API5: variants seen among roughly 807,000 people sequenced by gnomAD.
The protein encoded by API5 is apoptosis inhibitor 5, also known as FIF.
Under a neutral mutation model 71.9 loss-of-function variants are expected in API5, and 6 were observed. That is an observed-to-expected ratio of 0.08 (90% CI 0.05 to 0.16). The LOEUF (loss-of-function observed/expected upper bound fraction) is 0.16, where lower values mean the gene tolerates loss of function less well. API5 is among the 10% of genes least tolerant of loss of function. The pLI, the probability that API5 is intolerant of heterozygous loss-of-function variation, is 1.00. For synonymous variants in API5, 189 were observed against 221.3 expected, an observed-to-expected ratio of 0.85 and a Z score of 1.30; for missense variants, 332 against 612.8, an observed-to-expected ratio of 0.54 and a Z score of 4.84.
chr11:43,337,580 C>CT (rs1565113272), intron 13 of API5, among the ~76,000 whole-genome samples: 1 of 152,088 alleles, frequency 6.6e-6, no homozygotes, highest in African/African-American at 2.4e-5. Context: ...CTCCTTGCCT[C>CT]TTATCTGAAA....
chr11:43,312,421 G>A (rs1394216104), intron 1 of API5, among the ~76,000 whole-genome samples: 2 of 152,126 alleles, frequency 1.3e-5, no homozygotes, highest in Admixed American at 6.5e-5. Context: ...TGCCTCCCTT[G>A]CCCAGCCTTT....
At chr11:43,342,344 C>G in intron 13 of API5, 84 bp from the exon 14 acceptor site, 1 of 1,156,616 alleles carries the variant, frequency 8.6e-7, no homozygotes, top group Non-Finnish European at 1.2e-6. Context: ...CTGCTGTATT[C>G]AGAGTTATGA....
rs989807900 is a variant in API5 at position 43,343,838 on chromosome 11, T to C, written c.*1328T>C. On this transcript the variant is annotated 3_prime_UTR_variant, in exon 14 of 14. Transcript: ENST00000531273. ...AAGTTTGCTATTCAAATCAACTGCC[T>C]GAATGACATTTCTAGTAGTCTGATG... 1.3e-5 allele frequency: 2 copies of C among 152,818 alleles called. No homozygotes were observed. Among genetic ancestry groups the C allele is most frequent in the African/African-American group, 4.8e-5 (2 of 41,586 alleles). 9.5% of individuals were successfully genotyped at this position (152,818 alleles called of 1,614,324 possible).
chr11:43,319,663 T>G (rs1241666028), intron 2 of API5, among the ~76,000 whole-genome samples: 1 of 152,286 alleles, frequency 6.6e-6, no homozygotes, highest in South Asian at 2.1e-4. Context: ...TCCTCCCACC[T>G]TGGCCTTCTG....
chr11:43,320,950 T>C (rs775882992), intron 3 of API5, 36 bp downstream of exon 3: 51 of 1,515,148 alleles, frequency 3.4e-5, no homozygotes, highest in Non-Finnish European at 4.6e-5. Context: ...TCTCTAAATA[T>C]ATATCTTCTT....
chr11:43,315,452 T>A (rs1354010525), intron 1 of API5, among the ~76,000 whole-genome samples: 1 of 152,174 alleles, frequency 6.6e-6, no homozygotes, highest in Non-Finnish European at 1.5e-5. Context: ...CAGTAAGCAT[T>A]TCTTTTTCAT....
chr11:43,325,434 C>T (rs1179983598), intron 6 of API5, among the ~76,000 whole-genome samples: 1 of 152,202 alleles, frequency 6.6e-6, no homozygotes, highest in Non-Finnish European at 1.5e-5. Flanking sequence ...CCCATTGCAG[C>T]AGATCAATTT....
intron 1 of API5, among the ~76,000 whole-genome samples, chr11:43,312,416 C>T (rs1854507577): frequency 6.6e-6 from 1 of 152,172 alleles, no homozygotes; most frequent in East Asian, 1.9e-4. Context: ...TTCCTTGCCT[C>T]CCTTGCCCAG....
At chr11:43,323,182 G>A (rs902474377) in intron 5 of API5, among the ~76,000 whole-genome samples, 3 of 151,318 alleles carry the variant, frequency 2.0e-5, no homozygotes, top group Non-Finnish European at 4.4e-5. Context: ...GGTACTACAT[G>A]TATATCTGTG....
intron 11 of API5, among the ~76,000 whole-genome samples, chr11:43,334,440 C>T (rs1855361564): frequency 6.6e-6 from 1 of 152,064 alleles, no homozygotes; most frequent in African/African-American, 2.4e-5. Flanking sequence ...TTGCATTGGC[C>T]AATTCCCTAC....
At position 43,323,565 on chromosome 11, in the gene API5, T is replaced by G. The variant is rs773834543; in HGVS notation, c.679T>G (p.Phe227Val). ...VAEQADLEQT[F>V]NPSDPDCVDR... ...TGAACAGGCCGACCTAGAACAGACC[T>G]TCAATCCCTCGGATCCTGACTGTGT... The change falls in exon 6 of 14, where the codon TTC becomes GTC. Residue 227 changes from phenylalanine (F) to valine (V), a missense_variant. By Grantham distance (50) the Phe-to-Val change is conservative. Transcript: ENST00000531273. The G allele has an allele frequency of 4.3e-6, 7 of 1,613,996 alleles. No individual in the cohort carries two copies. The Admixed American group carries it at 1.0e-4, about 23-fold the overall frequency.
chr11:43,339,271 C>T (rs1029846300), intron 13 of API5: 1 of 152,110 alleles, frequency 6.6e-6, no homozygotes, highest in South Asian at 2.1e-4. Context: ...ATCAAGACAT[C>T]ACCCTAGTAA....
chr11:43,322,070 T>G lies in API5; in HGVS notation c.477T>G (p.Leu159=), dbSNP rs1854910836. 3.1e-6 allele frequency: 5 copies of G among 1,613,708 alleles called. No homozygotes were observed. Among genetic ancestry groups the G allele is most frequent in the Non-Finnish European group, 4.2e-6 (5 of 1,179,864 alleles). ...ERAIKFLSTK[L]KTLPDEVLTK... is the part of the protein sequence containing the mutation. Reference sequence around the variant, plus strand: ...CAATTAAATTCCTTTCTACAAAACTTAAGACTTTACCAGATGAAGTCTTAA... The same window carrying G: ...CAATTAAATTCCTTTCTACAAAACTGAAGACTTTACCAGATGAAGTCTTAA... Residue 159 remains leucine (L), a synonymous_variant, in exon 5 of 14, where the codon CTT becomes CTG. Transcript: ENST00000531273.
In API5 at chr11:43,328,753, G is replaced by C. The variant is rs895499410; in HGVS notation, c.987G>C (p.Glu329Asp). 29 of 1,613,816 alleles carry C rather than the reference G, an allele frequency of 1.8e-5. No individual in the cohort carries two copies. Among genetic ancestry groups the C allele is most frequent in the Middle Eastern group, 1.6e-4 (1 of 6,072 alleles). The change falls in exon 9 of 14, where the codon GAG (glutamate) becomes GAC (aspartate). Residue 329 changes from glutamate to aspartate, a missense_variant. By Grantham distance (45) the Glu-to-Asp change is conservative. Transcript: ENST00000531273. ...PLPPEEAENG[E>D]NAGNEEPKLQ... ...CTCCAGAAGAGGCAGAAAATGGAGA[G>C]AATGCTGGTAATGAAGAACCCAAGC...
rs908055831 is a variant in API5, at chr11:43,313,664, AT to A, written c.69+1476del. ...ATATACCAGTTTGAAATAGCAAATG[AT>A]TTTTTTTCCTTCATTCCCTGTCAGT... is the stretch of plus-strand genomic sequence containing the variant. On this transcript the variant is annotated intron_variant, in intron 1 of 13. Coordinates refer to ENST00000531273, the MANE Select transcript of API5 (RefSeq NM_001142930.2). Among the ~76,000 whole-genome samples, 9 of 152,076 alleles carry A rather than the reference AT, an allele frequency of 5.9e-5. No individual in the cohort carries two copies. In the East Asian group the frequency reaches 1.5e-3, roughly 26 times the overall value.
intron 6 of API5, among the ~76,000 whole-genome samples, 197 bp downstream of exon 6, chr11:43,323,833 A>G (rs1369996412): frequency 6.6e-6 from 1 of 152,146 alleles, no homozygotes; most frequent in Non-Finnish European, 1.5e-5. Flanking sequence ...CCAAAACCTG[A>G]AATGCTTTAA....
Position 43,318,660 on chromosome 11 carries a change from G to A in API5, c.90G>A (p.Val30=). ...QVGQHKDAYQ[V]ILDGVKGGTK... The stretch of plus-strand genomic sequence containing the variant: ...TTCAGCATAAAGATGCCTATCAAGT[G>A]ATATTGGATGGTGTGAAAGGTGGTA... The change falls in exon 2 of 14, where the codon GTG becomes GTA. Residue 30 remains valine (V), a synonymous_variant. Coordinates refer to ENST00000531273, the MANE Select transcript of API5 (RefSeq NM_001142930.2). 1 of 1,613,176 alleles carries A rather than the reference G, an allele frequency of 6.2e-7. No individual in the cohort carries two copies. Among genetic ancestry groups the A allele is most frequent in the Non-Finnish European group, 8.5e-7 (1 of 1,179,938 alleles).
At chr11:43,330,267 T>C in intron 10 of API5, 1 of 613,134 alleles carries the variant, frequency 1.6e-6, no homozygotes, top group South Asian at 2.1e-5. Context: ...CCTTACTCAT[T>C]TTTTAGCTAC....
intron 1 of API5, chr11:43,318,424 C>G: frequency 6.5e-7 from 1 of 1,532,734 alleles, no homozygotes; most frequent in Non-Finnish European, 8.7e-7. Context: ...AAATTAGACT[C>G]ATCCATCTCC....
Sources: allele counts gnomAD v4.1 joint callset (sites outside exome capture counted in the v4.1 genomes callset), GRCh38; gene constraint gnomAD v4.1.1; transcripts MANE v1.5; gene names NCBI Gene and HGNC (gene_info 2026-07-23, HGNC 2026-07-21).